USP8: variants seen among roughly 807,000 people sequenced by gnomAD.
The protein encoded by USP8 is ubiquitin specific peptidase 8.
USP8 carries 27 observed loss-of-function variants against 130.0 expected under a neutral mutation model. The observed-to-expected ratio is 0.21, with a 90% CI of 0.15 to 0.29. The LOEUF (loss-of-function observed/expected upper bound fraction) is 0.29, where lower values mean the gene tolerates loss of function less well. USP8 is among the 10% of genes least tolerant of loss of function. The pLI is 1.00. For missense variants in USP8, 1,029 were observed against 1,312.2 expected (o/e 0.78, Z 3.33); for synonymous variants, 392 against 444.1 (o/e 0.88, Z 1.48).
At chr15:50,456,488 C>T (rs1220166154) in intron 4 of USP8, among the ~76,000 whole-genome samples, 8 of 151,434 alleles carry the variant, frequency 5.3e-5, no homozygotes, top group African/African-American at 9.7e-5. Context: ...CAAGGAGAAA[C>T]GCTTGAACCT....
chr15:50,459,996 C>CCT (rs567135111), intron 5 of USP8, among the ~76,000 whole-genome samples: 160 of 92,018 alleles, frequency 1.7e-3, no homozygotes, highest in African/African-American at 3.8e-3. Context: ...CACCCCCCCC[C>CCT]TTTTTTTTTT....
intron 8 of USP8, among the ~76,000 whole-genome samples, chr15:50,476,477 T>C (rs1045859646): frequency 2.0e-5 from 3 of 152,210 alleles, no homozygotes; most frequent in Admixed American, 2.0e-4. Flanking sequence ...AATGATGATA[T>C]AGCTCTATAG....
chr15:50,435,341 T>TA (rs1381505476), intron 1 of USP8, among the ~76,000 whole-genome samples: 9 of 152,354 alleles, frequency 5.9e-5, no homozygotes, highest in Admixed American at 5.2e-4. Context: ...CTTTATTCCC[T>TA]AACCAATACA....
Position 50,449,911 on chromosome 15 carries a change from T to C in USP8, c.335+426T>C, listed in dbSNP as rs1403345351. Among the ~76,000 whole-genome samples, 12 of 98,768 alleles carry C rather than the reference T, an allele frequency of 1.2e-4. No homozygotes were observed. The South Asian group carries it at 1.4e-3, about 11-fold the overall frequency. 64.8% of individuals were successfully genotyped at this position (98,768 alleles called of 152,430 possible). A position where few individuals can be genotyped will look rare whatever the true frequency, so the allele number is the denominator to read the frequency against. On this transcript the variant is annotated intron_variant, in intron 4 of 19. Transcript: ENST00000307179. The stretch of plus-strand genomic sequence containing the variant: ...ATTTCTTTTTTTTTTTTTTTTTTTT[T>C]CTGAGACGGAGTCTCACTGTTGCCC...
At chr15:50,442,621 T>A (rs1407119513) in intron 3 of USP8, among the ~76,000 whole-genome samples, 1 of 151,818 alleles carries the variant, frequency 6.6e-6, no homozygotes, top group Non-Finnish European at 1.5e-5. Flanking sequence ...GGCGGGCGCC[T>A]GTAATCCAAG....
chr15:50,439,790 C>CAATAAT (rs57780466), intron 2 of USP8, among the ~76,000 whole-genome samples: 17,368 of 133,236 alleles, frequency 0.13, 1,467 homozygotes, highest in East Asian at 0.36. Flanking sequence ...AACTCTGTCT[C>CAATAAT]AATAATAATA....
chr15:50,484,100 T>C (rs918527231), intron 11 of USP8, among the ~76,000 whole-genome samples, 175 bp from the exon 12 acceptor site: 1 of 152,138 alleles, frequency 6.6e-6, no homozygotes, highest in African/African-American at 2.4e-5. Context: ...ATCAGAGTTC[T>C]TTAGTTTTTT....
intron 1 of USP8, among the ~76,000 whole-genome samples, chr15:50,436,610 A>C (rs1330344834): frequency 6.6e-6 from 1 of 151,304 alleles, no homozygotes; most frequent in African/African-American, 2.4e-5. Context: ...TGAGTCTCCT[A>C]CTTCAGCCTC....
chr15:50,456,243 T>C (rs2050785064), intron 4 of USP8, among the ~76,000 whole-genome samples: 1 of 152,132 alleles, frequency 6.6e-6, no homozygotes, highest in South Asian at 2.1e-4. Context: ...GTCAATGGAA[T>C]ACATAATTCA....
intron 14 of USP8, among the ~76,000 whole-genome samples, chr15:50,491,230 G>T (rs1435516291): frequency 6.6e-6 from 1 of 152,064 alleles, no homozygotes; most frequent in Non-Finnish European, 1.5e-5. Flanking sequence ...ATAAATAAAT[G>T]ATTTTTTTCC....
intron 18 of USP8, chr15:50,497,636 A>T (rs1356996718): frequency 6.5e-6 from 1 of 152,692 alleles, no homozygotes; most frequent in Non-Finnish European, 1.5e-5. Context: ...TATGTTAACG[A>T]TACCATTAAG....
chr15:50,431,985 G>T (rs151057508), intron 1 of USP8, among the ~76,000 whole-genome samples: 126 of 152,190 alleles, frequency 8.3e-4, no homozygotes, highest in African/African-American at 2.8e-3. Flanking sequence ...CCTGTTCTTA[G>T]CTAAATTCTG....
Position 50,449,918 on chromosome 15 carries a change from C to A in USP8, c.335+433C>A, listed in dbSNP as rs561597746. Among the ~76,000 whole-genome samples, 22 of 107,906 alleles carry A rather than the reference C, an allele frequency of 2.0e-4. 1 individual carries two copies. In the South Asian group the frequency reaches 4.9e-3, roughly 24 times the overall value. The allele number at this position is 107,906 out of a possible 152,430, so 70.8% of individuals were successfully genotyped here. On this transcript the variant is annotated intron_variant, in intron 4 of 19. Coordinates refer to ENST00000307179, the MANE Select transcript of USP8 (RefSeq NM_005154.5). ...TTTTTTTTTTTTTTTTTTTCTGAGA[C>A]GGAGTCTCACTGTTGCCCAGGCTGG...
At chr15:50,489,012 G>A (rs915319318) in intron 12 of USP8, among the ~76,000 whole-genome samples, 1 of 152,082 alleles carries the variant, frequency 6.6e-6, no homozygotes, top group African/African-American at 2.4e-5. Flanking sequence ...CACCCTGCCT[G>A]GCCTAGAATG....
At chr15:50,442,870 G>C (rs993797113) in intron 3 of USP8, among the ~76,000 whole-genome samples, 1 of 152,146 alleles carries the variant, frequency 6.6e-6, no homozygotes, top group Non-Finnish European at 1.5e-5. Context: ...CTTATTACCT[G>C]TCAGTAGTAA....
chr15:50,484,915 A>G (rs1328008957), intron 12 of USP8, among the ~76,000 whole-genome samples: 1 of 101,322 alleles, frequency 9.9e-6, no homozygotes, highest in African/African-American at 3.2e-5. Context: ...TTCCATTTCT[A>G]TGAGGTTTGT....
At chr15:50,455,080 T>G (rs1419303959) in intron 4 of USP8, among the ~76,000 whole-genome samples, 1 of 146,624 alleles carries the variant, frequency 6.8e-6, no homozygotes, top group East Asian at 2.2e-4. Flanking sequence ...ATTCTAGAAT[T>G]TCTTCCTTTT....
At chr15:50,452,181 C>T (rs148032145) in intron 4 of USP8, among the ~76,000 whole-genome samples, 8 of 152,168 alleles carry the variant, frequency 5.3e-5, no homozygotes, top group Non-Finnish European at 7.4e-5. Flanking sequence ...TTGCCTGTCC[C>T]GTTTCTTATT....
Position 50,441,228 on chromosome 15 carries a change from A to G in USP8, c.105-121A>G, listed in dbSNP as rs1034152427. On this transcript the variant is annotated intron_variant, in intron 2 of 19. Coordinates refer to ENST00000307179, the MANE Select transcript of USP8 (RefSeq NM_005154.5). ...GGTTCATAACAGGCCGTGAACCAGT[A>G]CCAATCTGTGGCCCTGGGGTTGGGG... The G allele has an allele frequency of 3.2e-6, 3 of 941,708 alleles. No individual in the cohort carries two copies. The Admixed American group carries it at 1.0e-4, about 32-fold the overall frequency. The allele number at this position is 941,708 out of a possible 1,614,324, so 58.3% of individuals were successfully genotyped here.
Sources: allele counts gnomAD v4.1 joint callset (sites outside exome capture counted in the v4.1 genomes callset), GRCh38; gene constraint gnomAD v4.1.1; transcripts MANE v1.5; gene names NCBI Gene and HGNC (gene_info 2026-07-23, HGNC 2026-07-21).